The following DNAAF9 variants were observed in gnomAD, a reference collection of about 807,000 sequenced individuals.
The protein encoded by DNAAF9 is dynein axonemal assembly factor 9.
A neutral mutation model predicts 167.0 loss-of-function variants in DNAAF9; 90 were observed. That is an observed-to-expected ratio of 0.54 (90% confidence interval 0.45 to 0.64). The LOEUF (loss-of-function observed/expected upper bound fraction) is 0.64, where lower values mean the gene tolerates loss of function less well. Ranked by LOEUF, DNAAF9 falls within the 30% of genes least tolerant of loss-of-function variation. The pLI is 0.00. For missense variants in DNAAF9, 1,315 were observed against 1,442.2 expected (o/e 0.91, Z 1.43); for synonymous variants, 491 against 508.8 (o/e 0.96, Z 0.47).
intron 17 of DNAAF9, among the ~76,000 whole-genome samples, 185 bp downstream of exon 17, chr20:3,318,104 C>CTTTTT (rs751838555): frequency 7.5e-6 from 1 of 132,852 alleles, no homozygotes; most frequent in African/African-American, 2.8e-5. Context: ...TAATGTTTCT[C>CTTTTT]TTTTTTTTTT....
chr20:3,293,666 C>CAAAA (rs71195830), intron 25 of DNAAF9, among the ~76,000 whole-genome samples: 3 of 85,600 alleles, frequency 3.5e-5, no homozygotes, highest in African/African-American at 1.3e-4. Context: ...GCCTGGGTGA[C>CAAAA]AAAAAAAAAA....
chr20:3,378,357 C>T (rs773371301), intron 3 of DNAAF9, among the ~76,000 whole-genome samples: 22 of 152,022 alleles, frequency 1.4e-4, no homozygotes, highest in African/African-American at 2.7e-4. Flanking sequence ...GAGCTTTGTA[C>T]GCAGGAAAGA....
chr20:3,265,386 G>A (rs939803671), intron 30 of DNAAF9, among the ~76,000 whole-genome samples: 2 of 151,652 alleles, frequency 1.3e-5, no homozygotes, highest in Non-Finnish European at 2.9e-5. Context: ...CCAACATGGC[G>A]AAACCCCATC....
intron 16 of DNAAF9, among the ~76,000 whole-genome samples, chr20:3,320,460 T>C (rs906883537): frequency 3.9e-5 from 6 of 152,352 alleles, no homozygotes; most frequent in African/African-American, 1.4e-4. Flanking sequence ...ATGATTTTAC[T>C]GGATTCCTAA....
chr20:3,403,931 G>A (rs2084021350), intron 1 of DNAAF9, among the ~76,000 whole-genome samples: 2 of 152,132 alleles, frequency 1.3e-5, no homozygotes, highest in Non-Finnish European at 2.9e-5. Context: ...TGACCTACAG[G>A]TGACTGGCTT....
chr20:3,301,605 G>C (rs1314824139), intron 21 of DNAAF9, among the ~76,000 whole-genome samples: 2 of 152,184 alleles, frequency 1.3e-5, no homozygotes, highest in South Asian at 4.1e-4. Flanking sequence ...TACACAGCTT[G>C]ACATGAGCTA....
Position 3,304,527 on chromosome 20 carries a change from G to C in DNAAF9, c.1695C>G (p.Phe565Leu), listed in dbSNP as rs764742734. 2.0e-6 allele frequency: 3 copies of C among 1,482,416 alleles called. No homozygotes were observed. In the East Asian group the frequency reaches 6.8e-5, roughly 34 times the overall value. The allele number at this position is 1,482,416 out of a possible 1,614,324, so 91.8% of individuals were successfully genotyped here. A position where few individuals can be genotyped will look rare whatever the true frequency, so the allele number is the denominator to read the frequency against. ...SWPEEGNVHF[F>L]SSGLLFSHCR... ...AGTGAGAAAACAGAAGGCCACTAGA[G>C]AAGAAATGAACATTCCCTGGAAGGA... Residue 565 changes from phenylalanine to leucine, a missense_variant, in exon 21 of 37, where the codon TTC (phenylalanine) becomes TTG (leucine). Physicochemically the swap from Phe to Leu is conservative, Grantham distance 22. Coordinates refer to ENST00000252032, the MANE Select transcript of DNAAF9 (RefSeq NM_001009984.3).
intron 6 of DNAAF9, chr20:3,362,287 C>A: frequency 8.3e-7 from 1 of 1,198,066 alleles, no homozygotes; most frequent in Non-Finnish European, 1.2e-6. Flanking sequence ...TTGGAAATTG[C>A]AAGGGACTTT....
At chr20:3,299,994 C>G (rs1467990944) in intron 21 of DNAAF9, among the ~76,000 whole-genome samples, 2 of 152,080 alleles carry the variant, frequency 1.3e-5, no homozygotes, top group Admixed American at 6.6e-5. Flanking sequence ...CCTCTGCCTC[C>G]CAGGTTAAAG....
In DNAAF9 at chr20:3,264,436, GC is replaced by G; in HGVS notation, c.2873+1del. Reference sequence around the variant, plus strand: ...TAGTTATTTTTCAATGATGATACTTGCCAGCCAGGATACATTAAATATCGAG... The same window carrying G: ...TAGTTATTTTTCAATGATGATACTTGCAGCCAGGATACATTAAATATCGAG... On this transcript the variant is annotated splice_donor_variant, in intron 31 of 36. Coordinates refer to ENST00000252032, the MANE Select transcript of DNAAF9 (RefSeq NM_001009984.3). LOFTEE classifies it high-confidence loss of function. 7.5e-7 allele frequency: 1 copy of G among 1,341,556 alleles called. No individual in the cohort carries two copies. 83.1% of individuals were successfully genotyped at this position (1,341,556 alleles called of 1,614,324 possible). A position where few individuals can be genotyped will look rare whatever the true frequency, so the allele number is the denominator to read the frequency against.
At chr20:3,304,591 G>GCTGGGA in intron 20 of DNAAF9, 48 bp from the exon 21 acceptor site, 1 of 815,560 alleles carries the variant, frequency 1.2e-6, no homozygotes, top group African/African-American at 1.8e-5. Flanking sequence ...GGGTGCTGGG[G>GCTGGGA]GTCAGATTCC....
chr20:3,290,203 A>G lies in DNAAF9; in HGVS notation c.2253T>C (p.Ile751=), dbSNP rs1201888651. 2 of 1,607,482 alleles carry G rather than the reference A, an allele frequency of 1.2e-6. No homozygotes were observed. The highest frequency in any genetic ancestry group is 2.2e-5 in the East Asian group (1 of 44,870). The change falls in exon 26 of 37, where the codon ATT becomes ATC. Residue 751 remains isoleucine (I), a synonymous_variant. Coordinates refer to ENST00000252032, the MANE Select transcript of DNAAF9 (RefSeq NM_001009984.3). ...CGTGACAGCCTGGGAGGCCGGTTAC[A>G]ATGCTGATAATTACCTACATGAAGA... ...RIESDKVIIS[I]VTGLPGCHAS...
chr20:3,376,340 A>T (rs1204899215), intron 3 of DNAAF9, 38 bp from the exon 4 acceptor site: 1 of 1,532,072 alleles, frequency 6.5e-7, no homozygotes, highest in South Asian at 1.2e-5. Flanking sequence ...AGACTGTCAA[A>T]CACATTTCTT....
At chr20:3,256,825 T>C (rs1486341161) in intron 33 of DNAAF9, among the ~76,000 whole-genome samples, 2 of 152,178 alleles carry the variant, frequency 1.3e-5, no homozygotes, top group Non-Finnish European at 2.9e-5. Context: ...TGGGGGGCTC[T>C]CAGCAGAGGC....
In DNAAF9 at chr20:3,336,258, G is replaced by GTTTTTTT. The variant is rs367718705; in HGVS notation, c.982-3904_982-3898dup. Reference sequence around the variant, plus strand: ...TGCAGATTCACAGTTTTGCGTTTTTGTTTTTTTTTTTTTTTTTGCCAAATT... The same window carrying GTTTTTTT: ...TGCAGATTCACAGTTTTGCGTTTTTGTTTTTTTTTTTTTTTTTTTTTTTTGCCAAATT... On this transcript the variant is annotated intron_variant, in intron 10 of 36. Coordinates refer to ENST00000252032, the MANE Select transcript of DNAAF9 (RefSeq NM_001009984.3). Among the ~76,000 whole-genome samples the GTTTTTTT allele has an allele frequency of 1.1e-4, 12 of 113,548 alleles. 1 individual carries two copies. The highest frequency in any genetic ancestry group is 3.0e-4 in the South Asian group (1 of 3,314). 74.5% of individuals were successfully genotyped at this position (113,548 alleles called of 152,430 possible). A position where few individuals can be genotyped will look rare whatever the true frequency, so the allele number is the denominator to read the frequency against.
chr20:3,267,804 C>T (rs2122788772), intron 30 of DNAAF9, among the ~76,000 whole-genome samples: 1 of 152,124 alleles, frequency 6.6e-6, no homozygotes, highest in African/African-American at 2.4e-5. Flanking sequence ...CACGGCACTC[C>T]AGCCTGGGTG....
intron 34 of DNAAF9, among the ~76,000 whole-genome samples, 188 bp from the exon 35 acceptor site, chr20:3,255,472 G>GC (rs1399437741): frequency 2.0e-5 from 3 of 152,120 alleles, no homozygotes; most frequent in Non-Finnish European, 4.4e-5. Context: ...ACAGAGCCCT[G>GC]TGAGCCAGCA....
chr20:3,255,951 G>T, intron 34 of DNAAF9, 55 bp downstream of exon 34: 1 of 1,383,060 alleles, frequency 7.2e-7, no homozygotes, highest in Non-Finnish European at 1.0e-6. Context: ...GCCAACAGCA[G>T]CTCTGAGGTG....
At chr20:3,267,851 T>C (rs1345842832) in intron 30 of DNAAF9, among the ~76,000 whole-genome samples, 3 of 151,852 alleles carry the variant, frequency 2.0e-5, no homozygotes, top group Non-Finnish European at 2.9e-5. Context: ...ATAAAATAAA[T>C]ATTTGAAGGG....
Sources: gnomAD v4.1 joint callset for allele counts (sites outside exome capture counted in the v4.1 genomes callset) on GRCh38, gnomAD v4.1.1 for gene constraint, MANE v1.5 for transcripts, NCBI Gene and HGNC (gene_info 2026-07-23, HGNC 2026-07-21) for gene names.